OSBP2: variants seen among roughly 807,000 people sequenced by gnomAD.
OSBP2 encodes oxysterol-binding protein 2.
A neutral mutation model predicts 96.0 loss-of-function variants in OSBP2; 66 were observed. The ratio of observed to expected loss-of-function variants is 0.69; its 90% confidence interval spans 0.56 to 0.84. The LOEUF (loss-of-function observed/expected upper bound fraction) is 0.84, where lower values mean the gene tolerates loss of function less well. OSBP2 is among the 40% of genes least tolerant of loss of function. The pLI, the probability that OSBP2 is intolerant of heterozygous loss-of-function variation, is 0.00. For missense variants in OSBP2, 1,038 were observed against 1,222.7 expected, an observed-to-expected ratio of 0.85 and a Z score of 2.25; for synonymous variants, 525 against 520.9, an observed-to-expected ratio of 1.01 and a Z score of -0.11.
intron 1 of OSBP2, among the ~76,000 whole-genome samples, chr22:30,730,766 CTCTCTCTCTATATATA>C (rs2089751123): frequency 5.4e-5 from 2 of 36,906 alleles, no homozygotes; most frequent in African/African-American, 2.1e-4. Context: ...CTCTCTCTCT[CTCTCTCTCTATATATA>C]TATATATATA....
chr22:30,720,973 C>CCA (rs2089540024), intron 1 of OSBP2, among the ~76,000 whole-genome samples: 1 of 152,072 alleles, frequency 6.6e-6, no homozygotes, highest in African/African-American at 2.4e-5. Context: ...GCCTGTAATC[C>CCA]CAACACTGTG....
At position 30,741,067 on chromosome 22, in the gene OSBP2, G is replaced by A. The variant is rs1366119830; in HGVS notation, c.645-94G>A. On this transcript the variant is annotated intron_variant, in intron 1 of 13. Transcript: ENST00000332585. ...TCCAGGGCCTCTCCCAGCTCTGAGG[G>A]TCTGAGATTCTGAGGATTTGCCTGG... is the stretch of plus-strand genomic sequence containing the variant. 3 of 969,608 alleles carry A rather than the reference G, an allele frequency of 3.1e-6. No individual in the cohort carries two copies. The African/African-American group carries it at 4.9e-5, about 16-fold the overall frequency. 60.1% of individuals were successfully genotyped at this position (969,608 alleles called of 1,614,324 possible).
chr22:30,787,395 G>A (rs947557482), intron 2 of OSBP2, among the ~76,000 whole-genome samples: 2 of 151,986 alleles, frequency 1.3e-5, no homozygotes, highest in African/African-American at 2.4e-5. Context: ...GGTCGGGGCC[G>A]GATGCGGTGG....
At chr22:30,757,019 C>A (rs1367823889) in intron 2 of OSBP2, among the ~76,000 whole-genome samples, 2 of 150,110 alleles carry the variant, frequency 1.3e-5, no homozygotes. Flanking sequence ...ACTCCTCAAA[C>A]GCAGGGTATC....
At chr22:30,905,688 T>TGGGC in intron 12 of OSBP2, 149 bp from the exon 13 acceptor site, 1 of 1,200,638 alleles carries the variant, frequency 8.3e-7, no homozygotes. Context: ...CTCACTGGGG[T>TGGGC]GGGCCCAAGG....
chr22:30,848,619 A>G (rs771003219), intron 2 of OSBP2, among the ~76,000 whole-genome samples: 1 of 152,198 alleles, frequency 6.6e-6, no homozygotes, highest in Non-Finnish European at 1.5e-5. Flanking sequence ...TTTAGATAGC[A>G]ACTGATCTTT....
chr22:30,788,971 G>C (rs1004756773), intron 2 of OSBP2, among the ~76,000 whole-genome samples: 1 of 151,994 alleles, frequency 6.6e-6, no homozygotes, highest in African/African-American at 2.4e-5. Flanking sequence ...TCTCAGCCTC[G>C]CAAAGTGCTG....
chr22:30,814,431 T>TG (rs1268996744), intron 2 of OSBP2, among the ~76,000 whole-genome samples: 1 of 120,188 alleles, frequency 8.3e-6, no homozygotes, highest in Admixed American at 9.6e-5. Flanking sequence ...ATTATCTCGT[T>TG]GGGTTTTTTT....
At chr22:30,813,415 C>G (rs909718009) in intron 2 of OSBP2, among the ~76,000 whole-genome samples, 1 of 152,128 alleles carries the variant, frequency 6.6e-6, no homozygotes, top group Non-Finnish European at 1.5e-5. Flanking sequence ...CTCAAGTGAT[C>G]CACCTGCCTC....
At chr22:30,790,304 G>T (rs549628937) in intron 2 of OSBP2, among the ~76,000 whole-genome samples, 2 of 144,990 alleles carry the variant, frequency 1.4e-5, no homozygotes, top group Admixed American at 7.0e-5. Flanking sequence ...TTTTTAAGGA[G>T]GGGGGGGCGG....
At chr22:30,805,595 T>G (rs1053102123) in intron 2 of OSBP2, among the ~76,000 whole-genome samples, 15 of 152,240 alleles carry the variant, frequency 9.9e-5, no homozygotes, top group African/African-American at 3.6e-4. Flanking sequence ...TCTAAATATT[T>G]CTTACCATTG....
At chr22:30,766,233 C>T (rs2090267903) in intron 2 of OSBP2, among the ~76,000 whole-genome samples, 1 of 152,016 alleles carries the variant, frequency 6.6e-6, no homozygotes, top group African/African-American at 2.4e-5. Flanking sequence ...AAAACAAAAA[C>T]AAAAAACTGG....
rs1054320146 is a variant in OSBP2, at chr22:30,871,567, G to C, written c.1107+885G>C. Among the ~76,000 whole-genome samples, 11 of 152,196 alleles carry C rather than the reference G, an allele frequency of 7.2e-5. No individual in the cohort carries two copies. Among genetic ancestry groups the C allele is most frequent in the Non-Finnish European group, 1.0e-4 (7 of 68,036 alleles). ...GAGCTGTACAGAAATGGAGGCCGCA[G>C]AGGAAGAAGTGAGGTCCAGAGAAGG... On this transcript the variant is annotated intron_variant, in intron 3 of 13. Transcript: ENST00000332585. The surrounding 1 kb of genome is among the most constrained non-coding windows in gnomAD (Gnocchi z 4.7).
At position 30,881,485 on chromosome 22, in the gene OSBP2, C is replaced by CAATGG. The variant is rs2039701528; in HGVS notation, c.1108-5941_1108-5940insAATGG. Among the ~76,000 whole-genome samples the CAATGG allele has an allele frequency of 2.6e-5, 4 of 152,186 alleles. No homozygotes were observed. The highest frequency in any genetic ancestry group is 4.4e-5 in the Non-Finnish European group (3 of 68,024). On this transcript the variant is annotated intron_variant, in intron 3 of 13. Coordinates refer to ENST00000332585, the MANE Select transcript of OSBP2 (RefSeq NM_030758.4). This position sits in a 1 kb window ranked among gnomAD's most constrained non-coding sequence, Gnocchi z 4.5. ...GGCTTCAGGTCAGCCCGTCTCTCCT[C>CAATGG]CTGCTCACAGCTGAGCACGAGTCTC...
At chr22:30,842,108 A>C (rs2038764655) in intron 2 of OSBP2, among the ~76,000 whole-genome samples, 1 of 152,042 alleles carries the variant, frequency 6.6e-6, no homozygotes, top group Non-Finnish European at 1.5e-5. Context: ...CAACATGCCC[A>C]GCTTACTTTT....
chr22:30,902,145 AAAAAAAACAG>A, intron 12 of OSBP2: 1 of 381,306 alleles, frequency 2.6e-6, no homozygotes, highest in Non-Finnish European at 4.3e-6. Flanking sequence ...AAAACCAAAA[AAAAAAAACAG>A]AGGGTCCCAC....
rs143413101 is a variant in OSBP2, at chr22:30,830,513, C to T, written c.854-39916C>T. On this transcript the variant is annotated intron_variant, in intron 2 of 13. Coordinates refer to ENST00000332585, the MANE Select transcript of OSBP2 (RefSeq NM_030758.4). The stretch of plus-strand genomic sequence containing the variant: ...GCCCACTGGGTGCATCCCTCCACCG[C>T]GGATATTTTTACATTAGAAGCAGCA... Among the ~76,000 whole-genome samples, 104 of 152,320 alleles carry T rather than the reference C, an allele frequency of 6.8e-4. No homozygotes were observed. The East Asian group carries it at 0.015, about 21-fold the overall frequency.
intron 2 of OSBP2, among the ~76,000 whole-genome samples, chr22:30,772,330 G>A (rs1355380344): frequency 2.0e-5 from 3 of 152,210 alleles, no homozygotes; most frequent in Admixed American, 2.0e-4. Flanking sequence ...TGAGGAATGA[G>A]GGTATTCATT....
intron 1 of OSBP2, among the ~76,000 whole-genome samples, chr22:30,730,328 G>T (rs1224562040): frequency 6.6e-6 from 1 of 152,108 alleles, no homozygotes; most frequent in African/African-American, 2.4e-5. Flanking sequence ...AGAAAAACTG[G>T]TCAATTACGA....
Sources: gnomAD v4.1 joint callset for allele counts (sites outside exome capture counted in the v4.1 genomes callset) on GRCh38, gnomAD v4.1.1 for gene constraint, Gnocchi (gnomAD v3.1) non-coding constraint, MANE v1.5 for transcripts, NCBI Gene and HGNC (gene_info 2026-07-23, HGNC 2026-07-21) for gene names.